SEPTIN7: variants seen among roughly 807,000 people sequenced by gnomAD.
The protein encoded by SEPTIN7 is septin 7, also known as septin-7.
SEPTIN7 carries 10 observed loss-of-function variants against 63.3 expected under a neutral mutation model. The observed-to-expected ratio is 0.16, with a 90% CI of 0.10 to 0.27. The LOEUF (loss-of-function observed/expected upper bound fraction) is 0.27. Among genes scored for constraint, SEPTIN7 ranks in the 10% least tolerant of loss-of-function variants. SEPTIN7 has a pLI of 1.00. For synonymous variants in SEPTIN7, 131 were observed against 165.3 expected (o/e 0.79, Z 1.59); for missense variants, 310 against 521.0 (o/e 0.59, Z 3.94).
chr7:35,843,768 T>C (rs1462468249), intron 3 of SEPTIN7, among the ~76,000 whole-genome samples: 1 of 152,204 alleles, frequency 6.6e-6, no homozygotes, highest in Non-Finnish European at 1.5e-5. Context: ...CCCCCAAATT[T>C]ACTAACAGTT....
chr7:35,903,556 G>A (rs561084029), intron 13 of SEPTIN7, among the ~76,000 whole-genome samples: 106 of 152,048 alleles, frequency 7.0e-4, no homozygotes, highest in Non-Finnish European at 1.2e-3. Context: ...GCACACAAAG[G>A]GAACATTCTT....
At chr7:35,802,438 T>C (rs1788054725) in intron 1 of SEPTIN7, among the ~76,000 whole-genome samples, 1 of 152,236 alleles carries the variant, frequency 6.6e-6, no homozygotes, top group South Asian at 2.1e-4. Context: ...ATTTCTTGAG[T>C]TTATTGCTAA....
intron 10 of SEPTIN7, among the ~76,000 whole-genome samples, chr7:35,890,203 T>A (rs1787547962): frequency 6.6e-6 from 1 of 152,208 alleles, no homozygotes; most frequent in African/African-American, 2.4e-5. Flanking sequence ...ACTCTAAAAT[T>A]TCCTTGTTTG....
At chr7:35,831,930 G>T in intron 2 of SEPTIN7, 1 of 301,910 alleles carries the variant, frequency 3.3e-6, no homozygotes, top group Admixed American at 4.9e-5. Flanking sequence ...GCCTCTTTTT[G>T]CTATTTTTTA....
intron 3 of SEPTIN7, among the ~76,000 whole-genome samples, chr7:35,855,946 G>C (rs2254650): frequency 0.95 from 144,127 of 152,248 alleles, 68,640 homozygotes; most frequent in East Asian, 1. Flanking sequence ...TTGCTAACTT[G>C]CTGTTGTTTC....
At chr7:35,844,133 G>A (rs538910711) in intron 3 of SEPTIN7, among the ~76,000 whole-genome samples, 37 of 152,224 alleles carry the variant, frequency 2.4e-4, no homozygotes, top group African/African-American at 7.7e-4. Context: ...CTGATGAAGC[G>A]GATGACATGA....
intron 3 of SEPTIN7, among the ~76,000 whole-genome samples, chr7:35,850,211 G>T (rs1784893805): frequency 6.6e-6 from 1 of 152,236 alleles, no homozygotes; most frequent in South Asian, 2.1e-4. Context: ...ACTATAGTTT[G>T]TTGCTGTCTC....
intron 1 of SEPTIN7, among the ~76,000 whole-genome samples, chr7:35,827,335 G>GATATTTCAC (rs1783567807): frequency 6.6e-6 from 1 of 151,986 alleles, no homozygotes; most frequent in Non-Finnish European, 1.5e-5. Flanking sequence ...CTTATCCCGA[G>GATATTTCAC]ATATTTCACA....
At position 35,809,514 on chromosome 7, in the gene SEPTIN7, C is replaced by T. The variant is rs568771734; in HGVS notation, c.61+8244C>T. Among the ~76,000 whole-genome samples the T allele has an allele frequency of 4.0e-4, 61 of 152,272 alleles. No individual in the cohort carries two copies. The Middle Eastern group carries it at 0.01, about 25-fold the overall frequency. On this transcript the variant is annotated intron_variant, in intron 1 of 13. Transcript: ENST00000350320. ...GTTTTGTTCACCTTTGTGTCCCCAA[C>T]CCATAACTGGCTTGCATTTAGTAAA... is the stretch of plus-strand genomic sequence containing the variant.
At chr7:35,900,371 G>GC (rs1583654260) in intron 12 of SEPTIN7, 1 of 152,162 alleles carries the variant, frequency 6.6e-6, no homozygotes, top group Non-Finnish European at 1.5e-5. Context: ...TAATAGCAGT[G>GC]CCCTCCTATC....
At chr7:35,884,053 A>T in intron 9 of SEPTIN7, 66 bp downstream of exon 9, 1 of 969,740 alleles carries the variant, frequency 1.0e-6, no homozygotes, top group Non-Finnish European at 1.7e-6. Context: ...TTGTATTTAT[A>T]GTAAGTAGTA....
At chr7:35,892,257 A>G (rs1293171968) in intron 11 of SEPTIN7, among the ~76,000 whole-genome samples, 1 of 152,220 alleles carries the variant, frequency 6.6e-6, no homozygotes, top group African/African-American at 2.4e-5. Context: ...TGGAATAGAA[A>G]AATGTCCCTT....
At chr7:35,898,849 CAATT>C (rs775523864) in intron 12 of SEPTIN7, 2 of 152,252 alleles carry the variant, frequency 1.3e-5, no homozygotes, top group Non-Finnish European at 2.9e-5. Context: ...AAATTCCACA[CAATT>C]AAAGAAGAGA....
intron 1 of SEPTIN7, among the ~76,000 whole-genome samples, chr7:35,803,706 T>G (rs1788146633): frequency 6.6e-6 from 1 of 152,260 alleles, no homozygotes; most frequent in East Asian, 1.9e-4. Context: ...TACTAAGTTT[T>G]GAGACAAAAC....
At chr7:35,911,394 G>A (rs1224068171), downstream of SEPTIN7, among the ~76,000 whole-genome samples, 2 of 151,868 alleles carry the variant, frequency 1.3e-5, no homozygotes, top group East Asian at 3.9e-4. Flanking sequence ...TCCTATATTT[G>A]AGGCATACTG....
chr7:35,832,655 T>A, intron 2 of SEPTIN7, 143 bp from the exon 3 acceptor site: 1 of 655,078 alleles, frequency 1.5e-6, no homozygotes, highest in East Asian at 2.9e-5. Context: ...ATTGATAGTT[T>A]TATTGATAAT....
chr7:35,885,604 A>G (rs1485404801), intron 9 of SEPTIN7, among the ~76,000 whole-genome samples: 1 of 152,190 alleles, frequency 6.6e-6, no homozygotes, highest in Non-Finnish European at 1.5e-5. Flanking sequence ...TGTTAGGTTT[A>G]CATATCTATT....
chr7:35,827,315 A>G (rs957633023), intron 1 of SEPTIN7, among the ~76,000 whole-genome samples: 1 of 111,402 alleles, frequency 9.0e-6, no homozygotes, highest in Non-Finnish European at 1.7e-5. Context: ...CACATCTATA[A>G]ATAATGTTCC....
At chr7:35,863,896 AC>A (rs1229523210) in intron 4 of SEPTIN7, among the ~76,000 whole-genome samples, 2 of 149,360 alleles carry the variant, frequency 1.3e-5, no homozygotes, top group Non-Finnish European at 3.0e-5. Context: ...TGACACTGTG[AC>A]ATAGTAACCA....
Sources: gnomAD v4.1 joint callset for allele counts (sites outside exome capture counted in the v4.1 genomes callset) on GRCh38, gnomAD v4.1.1 for gene constraint, MANE v1.5 for transcripts, NCBI Gene and HGNC (gene_info 2026-07-23, HGNC 2026-07-21) for gene names.